The following NLRP8 variants were observed in gnomAD, a reference collection of about 807,000 sequenced individuals.
The protein encoded by NLRP8 is NLR family pyrin domain containing 8, also known as NACHT, LRR and PYD domains-containing protein 8.
In NLRP8, 86 loss-of-function variants were observed where a neutral mutation model predicts 88.7. The ratio of observed to expected loss-of-function variants is 0.97; its 90% confidence interval spans 0.81 to 1.16. The LOEUF is 1.16. Among genes scored for constraint, NLRP8 ranks in the 50% most tolerant of loss-of-function variants. The pLI is 0.00. For synonymous variants in NLRP8, 504 were observed against 494.6 expected, an observed-to-expected ratio of 1.02 and a Z score of -0.25; for missense variants, 1,342 against 1,286.5, an observed-to-expected ratio of 1.04 and a Z score of -0.66.
At chr19:55,968,310 G>A (rs574154719) in intron 5 of NLRP8, among the ~76,000 whole-genome samples, 8 of 151,388 alleles carry the variant, frequency 5.3e-5, no homozygotes, top group East Asian at 3.9e-4. Context: ...GTGGTGGTGC[G>A]CACCTATAAT....
At chr19:55,965,940 A>G (rs931006412) in intron 4 of NLRP8, among the ~76,000 whole-genome samples, 3 of 152,112 alleles carry the variant, frequency 2.0e-5, no homozygotes, top group Non-Finnish European at 4.4e-5. Context: ...TTTGCTGAGA[A>G]TGATGGTTCC....
chr19:55,986,273 C>T (rs1047149836), intron 9 of NLRP8, among the ~76,000 whole-genome samples: 7 of 151,424 alleles, frequency 4.6e-5, no homozygotes, highest in Non-Finnish European at 7.4e-5. Context: ...GGGCACCCAA[C>T]ACACACTCAC....
chr19:55,979,193 G>A (rs1600316595), intron 8 of NLRP8, among the ~76,000 whole-genome samples: 1 of 152,240 alleles, frequency 6.6e-6, no homozygotes, highest in Non-Finnish European at 1.5e-5. Context: ...AATTCTTAGA[G>A]TGAGGAATAC....
chr19:55,958,597 G>A (rs1170845229), intron 3 of NLRP8, among the ~76,000 whole-genome samples: 1 of 152,188 alleles, frequency 6.6e-6, no homozygotes, highest in Non-Finnish European at 1.5e-5. Context: ...CCACACTGCC[G>A]CGGCAGGACT....
rs1249537725 is a variant in NLRP8 at position 55,947,888 on chromosome 19, C to A, written c.-15C>A. ...TTTATCGTGGACACTGAGGTGTTCT[C>A]TGCCTTGACTAAAGATGAGTGACGT... On this transcript the variant is annotated 5_prime_UTR_variant, in exon 1 of 10. In the 5' UTR this introduces an upstream ATG that the reference lacks. Transcript: ENST00000291971. 6.3e-7 allele frequency: 1 copy of A among 1,598,950 alleles called. No homozygotes were observed. The highest frequency in any genetic ancestry group is 2.2e-5 in the East Asian group (1 of 44,700).
At chr19:55,968,958 G>T (rs1261733432) in intron 5 of NLRP8, among the ~76,000 whole-genome samples, 3 of 151,980 alleles carry the variant, frequency 2.0e-5, no homozygotes, top group Non-Finnish European at 4.4e-5. Context: ...CTCGCTCAGT[G>T]ACCTCCCACT....
At position 55,974,016 on chromosome 19, in the gene NLRP8, G is replaced by C. The variant is rs117079427; in HGVS notation, c.2705+194G>C. ...CTGATTCAGGGACAAGTGATCTAGAGGCAGAGTTCTCAAACTGTGTACCAA... is the reference window on the plus strand; with the variant it reads ...CTGATTCAGGGACAAGTGATCTAGACGCAGAGTTCTCAAACTGTGTACCAA... On this transcript the variant is annotated intron_variant, in intron 7 of 9. Transcript: ENST00000291971. Among the ~76,000 whole-genome samples, 1,473 of 152,296 alleles carry C rather than the reference G, an allele frequency of 9.7e-3. 47 individuals carry two copies. The highest frequency in any genetic ancestry group is 0.054 in the East Asian group (280 of 5,188).
In NLRP8 at chr19:55,987,956, C is replaced by G. The variant is rs138338429; in HGVS notation, c.*43C>G. On this transcript the variant is annotated 3_prime_UTR_variant, in exon 10 of 10. Transcript: ENST00000291971. ...CTCTGGGGCTTGATTGATCAGTTCC[C>G]ACTCTGACAACTGGCAAATACCAGG... 1 of 1,462,970 alleles carries G rather than the reference C, an allele frequency of 6.8e-7. No homozygotes were observed. The highest frequency in any genetic ancestry group is 1.4e-5 in the African/African-American group (1 of 71,894). 90.6% of individuals were successfully genotyped at this position (1,462,970 alleles called of 1,614,324 possible).
chr19:55,957,762 A>T (rs1035718416), intron 3 of NLRP8, among the ~76,000 whole-genome samples: 2 of 147,584 alleles, frequency 1.4e-5, no homozygotes, highest in African/African-American at 5.0e-5. Flanking sequence ...TCTACAACAC[A>T]CTGAATAAGT....
rs76671648 is a variant in NLRP8 at position 55,976,355 on chromosome 19, G to A, written c.2876+52G>A. On this transcript the variant is annotated intron_variant, in intron 8 of 9. Coordinates refer to ENST00000291971, the MANE Select transcript of NLRP8 (RefSeq NM_176811.2). Reference sequence around the variant, plus strand: ...GAGACCAGGAGAATTGTATATAAGCGTCTCTCAGGATGGAATATATAACAG... The same window carrying A: ...GAGACCAGGAGAATTGTATATAAGCATCTCTCAGGATGGAATATATAACAG... 9.4e-3 allele frequency: 13,530 copies of A among 1,442,470 alleles called. 460 individuals carry two copies. Among genetic ancestry groups the A allele is most frequent in the Admixed American group, 0.082 (3,329 of 40,498 alleles). 89.4% of individuals were successfully genotyped at this position (1,442,470 alleles called of 1,614,324 possible).
chr19:55,970,884 A>G (rs1473666097), intron 6 of NLRP8, among the ~76,000 whole-genome samples, 188 bp downstream of exon 6: 3 of 152,158 alleles, frequency 2.0e-5, no homozygotes, highest in African/African-American at 7.2e-5. Flanking sequence ...GAGAAATAAC[A>G]TATCTACATA....
chr19:55,973,399 C>T (rs1255920688), intron 6 of NLRP8, among the ~76,000 whole-genome samples: 9 of 152,144 alleles, frequency 5.9e-5, no homozygotes, highest in Non-Finnish European at 1.0e-4. Context: ...TCTGTTAACT[C>T]TGCTGATTAT....
intron 4 of NLRP8, among the ~76,000 whole-genome samples, chr19:55,963,017 TC>T (rs908222282): frequency 3.0e-4 from 45 of 151,128 alleles, no homozygotes; most frequent in African/African-American, 1.0e-3. Flanking sequence ...TGTACTATTA[TC>T]CCCCCCCTTT....
chr19:55,951,748 A>G (rs899453301), intron 1 of NLRP8, among the ~76,000 whole-genome samples: 5 of 152,058 alleles, frequency 3.3e-5, no homozygotes, highest in African/African-American at 1.2e-4. Flanking sequence ...GTTATCCTGT[A>G]TTGGGTTTTT....
At chr19:55,979,112 A>G (rs1208189808) in intron 8 of NLRP8, among the ~76,000 whole-genome samples, 2 of 152,234 alleles carry the variant, frequency 1.3e-5, no homozygotes, top group Non-Finnish European at 2.9e-5. Context: ...CACTAGGTAG[A>G]ATCAAATATC....
At chr19:55,968,232 A>G (rs1979927372) in intron 5 of NLRP8, among the ~76,000 whole-genome samples, 1 of 152,104 alleles carries the variant, frequency 6.6e-6, no homozygotes, top group South Asian at 2.1e-4. Flanking sequence ...TGAAGTTGAG[A>G]GTTCGAGACC....
intron 8 of NLRP8, among the ~76,000 whole-genome samples, 153 bp downstream of exon 8, chr19:55,976,456 T>G (rs529856295): frequency 1.3e-5 from 2 of 152,140 alleles, no homozygotes; most frequent in Non-Finnish European, 2.9e-5. Context: ...TGAGCCGTGG[T>G]TCTCAAAGTG....
At chr19:55,961,342 C>T (rs1979600318) in intron 3 of NLRP8, among the ~76,000 whole-genome samples, 1 of 152,084 alleles carries the variant, frequency 6.6e-6, no homozygotes, top group Admixed American at 6.6e-5. Context: ...GCCAATCTAG[C>T]TCTGGATTTT....
At chr19:55,963,314 C>A (rs1979697276) in intron 4 of NLRP8, among the ~76,000 whole-genome samples, 1 of 151,998 alleles carries the variant, frequency 6.6e-6, no homozygotes, top group Non-Finnish European at 1.5e-5. Flanking sequence ...ATGCCCAGCC[C>A]CCATTTTTTA....
Sources: allele counts gnomAD v4.1 joint callset (sites outside exome capture counted in the v4.1 genomes callset), GRCh38; gene constraint gnomAD v4.1.1; transcripts MANE v1.5; gene names NCBI Gene and HGNC (gene_info 2026-07-23, HGNC 2026-07-21).